ANKEF1: variants seen among roughly 807,000 people sequenced by gnomAD.
ANKEF1 encodes the protein ankyrin repeat and EF-hand domain-containing protein 1.
A neutral mutation model predicts 65.1 loss-of-function variants in ANKEF1; 43 were observed. The observed-to-expected ratio is 0.66, with a 90% CI of 0.52 to 0.85. The LOEUF is 0.85. Among genes scored for constraint, ANKEF1 ranks in the 40% least tolerant of loss-of-function variants. The pLI is 0.00. For synonymous variants in ANKEF1, 316 were observed against 341.5 expected, an observed-to-expected ratio of 0.93 and a Z score of 0.82; for missense variants, 934 against 952.9, an observed-to-expected ratio of 0.98 and a Z score of 0.26.
chr20:10,039,213 G>A (rs971298565), intron 3 of ANKEF1, among the ~76,000 whole-genome samples: 1 of 152,180 alleles, frequency 6.6e-6, no homozygotes, highest in South Asian at 2.1e-4. Context: ...CAATGATTCA[G>A]ATCAAACAAC....
At chr20:10,045,353 T>C (rs1984452405) in intron 5 of ANKEF1, among the ~76,000 whole-genome samples, 1 of 152,202 alleles carries the variant, frequency 6.6e-6, no homozygotes, top group South Asian at 2.1e-4. Context: ...TACAACACAG[T>C]ACAACACAAT....
At chr20:10,044,690 T>G in intron 5 of ANKEF1, 147 bp downstream of exon 5, 1 of 619,488 alleles carries the variant, frequency 1.6e-6, no homozygotes, top group Non-Finnish European at 2.5e-6. Flanking sequence ...CCCCAAATAA[T>G]TCTAAAATTA....
At position 10,055,578 on chromosome 20, in the gene ANKEF1, T is replaced by A. The variant is rs1985104089; in HGVS notation, c.2249T>A (p.Val750Glu). The A allele has an allele frequency of 6.2e-7, 1 of 1,613,666 alleles. No homozygotes were observed. The highest frequency in any genetic ancestry group is 1.3e-5 in the African/African-American group (1 of 74,874). The part of the protein sequence containing the change: ...ELRRERFTHE[V>E]DFDDFMMPFQ... ...CGGCGAGAGAGGTTTACACATGAGG[T>A]GGACTTCGACGATTTTATGATGCCT... Residue 750 changes from valine (V) to glutamate (E), a missense_variant, in exon 11 of 11, where the codon GTG (valine) becomes GAG (glutamate). Val to Glu is a moderately radical substitution (Grantham distance 121). Transcript: ENST00000378392.
In ANKEF1 at chr20:10,048,089, C is replaced by T. The variant is rs148025978; in HGVS notation, c.821-1301C>T. The stretch of plus-strand genomic sequence containing the variant: ...ATGGAATTGCACTATGGAATTACTA[C>T]GCTATGGAATTACACTATAGAGTCA... On this transcript the variant is annotated intron_variant, in intron 6 of 10. Coordinates refer to ENST00000378392, the MANE Select transcript of ANKEF1 (RefSeq NM_022096.6). Among the ~76,000 whole-genome samples the T allele has an allele frequency of 4.0e-3, 614 of 152,178 alleles. 3 individuals are homozygous for T. The highest frequency in any genetic ancestry group is 0.014 in the African/African-American group (574 of 41,532).
At chr20:10,035,832 A>G (rs1983809499) in intron 2 of ANKEF1, among the ~76,000 whole-genome samples, 190 bp downstream of exon 2, 1 of 152,152 alleles carries the variant, frequency 6.6e-6, no homozygotes, top group South Asian at 2.1e-4. Flanking sequence ...TGACCTGAAC[A>G]CACACAGATT....
In ANKEF1 at chr20:10,056,798, C is replaced by T. The variant is rs1015365538; in HGVS notation, c.*1138C>T. The T allele has an allele frequency of 2.0e-5, 3 of 152,198 alleles. No homozygotes were observed. The highest frequency in any genetic ancestry group is 1.9e-4 in the East Asian group (1 of 5,172). 9.4% of individuals were successfully genotyped at this position (152,198 alleles called of 1,614,324 possible). A position where few individuals can be genotyped will look rare whatever the true frequency, so the allele number is the denominator to read the frequency against. On this transcript the variant is annotated 3_prime_UTR_variant, in exon 11 of 11. Transcript: ENST00000378392. ...GTGAAAATTTCAACTGTTGTTAAAG[C>T]GACTGATGGGATCAGTTTCACCTAG...
intron 3 of ANKEF1, among the ~76,000 whole-genome samples, chr20:10,042,857 G>A (rs1448249219): frequency 6.6e-6 from 1 of 152,078 alleles, no homozygotes; most frequent in Non-Finnish European, 1.5e-5. Context: ...AAATACTCAG[G>A]GTCAACAGGG....
At position 10,038,619 on chromosome 20, in the gene ANKEF1, T is replaced by C. The variant is rs1156877603; in HGVS notation, c.318T>C (p.Asp106=). ...AAATATTAGCAAAGGCAAAGGCTGA[T>C]ATGACTATAGTTGATAATGAAGGAA... The part of the protein sequence containing the change: ...SMEILAKAKA[D]MTIVDNEGKG... The change falls in exon 3 of 11, where the codon GAT becomes GAC. Residue 106 remains aspartate (D), a synonymous_variant. Transcript: ENST00000378392. 6.2e-7 allele frequency: 1 copy of C among 1,612,802 alleles called. No individual in the cohort carries two copies. Among genetic ancestry groups the C allele is most frequent in the African/African-American group, 1.3e-5 (1 of 75,056 alleles).
chr20:10,036,681 A>G (rs1019442818), intron 2 of ANKEF1, among the ~76,000 whole-genome samples: 1 of 152,184 alleles, frequency 6.6e-6, no homozygotes, highest in African/African-American at 2.4e-5. Context: ...GTCTTTACTA[A>G]AAATACAAAA....
chr20:10,049,366 A>G, intron 6 of ANKEF1, 24 bp from the exon 7 acceptor site: 1 of 1,576,152 alleles, frequency 6.3e-7, no homozygotes, highest in Non-Finnish European at 8.6e-7. Context: ...CACCATTCAT[A>G]ATTAATGATG....
In ANKEF1 at chr20:10,051,870, C is replaced by T. The variant is rs1046724365; in HGVS notation, c.1851C>T (p.Phe617=). The change falls in exon 8 of 11, where the codon TTC becomes TTT. Residue 617 remains phenylalanine, a synonymous_variant. Coordinates refer to ENST00000378392, the MANE Select transcript of ANKEF1 (RefSeq NM_022096.6). ...VKYLLDIGAK[F]QLENRKGHSA... is the part of the protein sequence containing the mutation. ...ACCTACTTGATATTGGTGCTAAATT[C>T]CAGCTGGAAAATAGAAAAGGTATGC... 3.7e-6 allele frequency: 6 copies of T among 1,610,586 alleles called. No homozygotes were observed. In the African/African-American group the frequency reaches 8.0e-5, roughly 22 times the overall value.
intron 3 of ANKEF1, among the ~76,000 whole-genome samples, chr20:10,042,139 T>C (rs1043110247): frequency 6.6e-6 from 1 of 152,182 alleles, no homozygotes; most frequent in Non-Finnish European, 1.5e-5. Flanking sequence ...AATCAACTTT[T>C]CCTAAGACCC....
chr20:10,047,962 G>C (rs1197008720), intron 6 of ANKEF1, among the ~76,000 whole-genome samples: 1 of 152,154 alleles, frequency 6.6e-6, no homozygotes, highest in Non-Finnish European at 1.5e-5. Context: ...TTAGTGCTGG[G>C]TGAACATAGA....
chr20:10,055,333 A>AG (rs897677693), intron 10 of ANKEF1, among the ~76,000 whole-genome samples, 169 bp from the exon 11 acceptor site: 7 of 152,082 alleles, frequency 4.6e-5, no homozygotes, highest in East Asian at 1.9e-4. Context: ...GTCATATGAG[A>AG]GGGGGGGAAG....
chr20:10,050,726 A>G (rs1167463692), intron 7 of ANKEF1, among the ~76,000 whole-genome samples: 1 of 152,198 alleles, frequency 6.6e-6, no homozygotes, highest in African/African-American at 2.4e-5. Flanking sequence ...CTGGCCTTCT[A>G]TCAGTGGCAG....
At chr20:10,042,210 T>G (rs1261580159) in intron 3 of ANKEF1, among the ~76,000 whole-genome samples, 1 of 152,214 alleles carries the variant, frequency 6.6e-6, no homozygotes, top group African/African-American at 2.4e-5. Context: ...TAGAACAAGT[T>G]ATATTTAGTT....
chr20:10,049,196 T>G (rs2051783070), intron 6 of ANKEF1, among the ~76,000 whole-genome samples, 194 bp from the exon 7 acceptor site: 1 of 152,092 alleles, frequency 6.6e-6, no homozygotes, highest in South Asian at 2.1e-4. Flanking sequence ...ACCAAAGTGA[T>G]GCTCACAGAA....
intron 8 of ANKEF1, 44 bp downstream of exon 8, chr20:10,051,933 C>A: frequency 7.0e-7 from 1 of 1,433,036 alleles, no homozygotes; most frequent in East Asian, 2.4e-5. Flanking sequence ...AAAAGGAGAA[C>A]TTATGTTAGA....
chr20:10,052,032 A>G (rs1288631085), intron 8 of ANKEF1, 143 bp downstream of exon 8: 1 of 626,144 alleles, frequency 1.6e-6, no homozygotes, highest in Non-Finnish European at 2.6e-6. Flanking sequence ...AATGTTATGG[A>G]AGTTTATCTT....
Sources: gnomAD v4.1 joint callset for allele counts (sites outside exome capture counted in the v4.1 genomes callset) on GRCh38, gnomAD v4.1.1 for gene constraint, MANE v1.5 for transcripts, NCBI Gene and HGNC (gene_info 2026-07-23, HGNC 2026-07-21) for gene names.